The following LUZP2 variants were observed in gnomAD, a reference collection of about 807,000 sequenced individuals.
LUZP2 encodes leucine zipper protein 2.
Under a neutral mutation model 51.6 loss-of-function variants are expected in LUZP2, and 52 were observed. The observed-to-expected ratio is 1.01, with a 90% confidence interval of 0.81 to 1.27. The LOEUF is 1.27. LUZP2 is among the 50% of genes most tolerant of loss of function. The probability of loss-of-function intolerance (pLI) is 0.00; values close to 1 mark genes in which losing one functional copy is unlikely to be tolerated. For missense variants in LUZP2, 436 were observed against 395.4 expected (o/e 1.10, Z -0.87); for synonymous variants, 154 against 137.3 (o/e 1.12, Z -0.85).
chr11:24,617,091 T>G (rs1330368742), intron 1 of LUZP2, among the ~76,000 whole-genome samples: 4 of 152,186 alleles, frequency 2.6e-5, no homozygotes, highest in African/African-American at 7.2e-5. Flanking sequence ...AAAACAGAGG[T>G]AGTAGATGTT....
intron 5 of LUZP2, among the ~76,000 whole-genome samples, chr11:24,833,413 G>GA (rs11370308): frequency 0.34 from 52,232 of 151,862 alleles, 9,215 homozygotes; most frequent in African/African-American, 0.4. Flanking sequence ...ATTGTTTGTT[G>GA]GAAAAATATT....
intron 5 of LUZP2, among the ~76,000 whole-genome samples, chr11:24,777,755 G>A (rs932086632): frequency 8.6e-5 from 13 of 151,790 alleles, no homozygotes; most frequent in African/African-American, 3.1e-4. Flanking sequence ...TGATATTATA[G>A]TACATAATTC....
chr11:24,929,488 G>A (rs544344640), intron 7 of LUZP2, among the ~76,000 whole-genome samples: 1 of 152,108 alleles, frequency 6.6e-6, no homozygotes, highest in East Asian at 1.9e-4. Flanking sequence ...AGTGATCATT[G>A]AGGAGTAGGT....
At chr11:25,076,610 GGAAT>G (rs1386274914) in intron 10 of LUZP2, among the ~76,000 whole-genome samples, 11 of 49,842 alleles carry the variant, frequency 2.2e-4, no homozygotes, top group Admixed American at 9.4e-4. Context: ...AACTAAGGAA[GGAAT>G]GAAGGAAGGA....
intron 1 of LUZP2, among the ~76,000 whole-genome samples, chr11:24,721,540 G>T (rs576215290): frequency 6.6e-6 from 1 of 152,272 alleles, no homozygotes; most frequent in East Asian, 1.9e-4. Flanking sequence ...CATTCTTGCA[G>T]AAAGTATGAT....
At chr11:24,976,267 A>G (rs1312916390) in intron 7 of LUZP2, among the ~76,000 whole-genome samples, 3 of 151,912 alleles carry the variant, frequency 2.0e-5, no homozygotes, top group Non-Finnish European at 2.9e-5. Context: ...GTCTATATCA[A>G]CTAGAAATAT....
At chr11:24,859,793 A>G (rs565796494) in intron 5 of LUZP2, among the ~76,000 whole-genome samples, 1 of 152,336 alleles carries the variant, frequency 6.6e-6, no homozygotes, top group South Asian at 2.1e-4. Context: ...TGAGCCCACT[A>G]TCCAGCAGGG....
At chr11:24,920,693 T>G (rs1401675590) in intron 7 of LUZP2, among the ~76,000 whole-genome samples, 1 of 140,734 alleles carries the variant, frequency 7.1e-6, no homozygotes, top group African/African-American at 2.6e-5. Context: ...GACACAGAAA[T>G]AAAAAAAAAA....
intron 1 of LUZP2, among the ~76,000 whole-genome samples, chr11:24,546,957 TTGTTGTTGGTGG>T (rs878899968): frequency 0.27 from 21,466 of 79,598 alleles, 1,739 homozygotes; most frequent in African/African-American, 0.34. Flanking sequence ...GTTGTTGTTG[TTGTTGTTGGTGG>T]TGGTGGTGGT....
intron 10 of LUZP2, among the ~76,000 whole-genome samples, chr11:25,057,623 G>T (rs1231947256): frequency 2.0e-5 from 3 of 152,016 alleles, no homozygotes; most frequent in Non-Finnish European, 4.4e-5. Context: ...TTTCATTTAG[G>T]AATTAAGAGT....
intron 5 of LUZP2, among the ~76,000 whole-genome samples, chr11:24,885,038 G>A (rs1290616273): frequency 6.6e-6 from 1 of 152,048 alleles, no homozygotes; most frequent in Non-Finnish European, 1.5e-5. Context: ...CTGTTTCGAA[G>A]AGAAGTGCCT....
chr11:24,648,945 G>C (rs1256380963), intron 1 of LUZP2, among the ~76,000 whole-genome samples: 1 of 151,922 alleles, frequency 6.6e-6, no homozygotes, highest in Non-Finnish European at 1.5e-5. Context: ...AAGCCAGTAA[G>C]GAATTAATTT....
At chr11:24,783,279 A>G (rs995660353) in intron 5 of LUZP2, among the ~76,000 whole-genome samples, 1 of 151,878 alleles carries the variant, frequency 6.6e-6, no homozygotes, top group South Asian at 2.1e-4. Flanking sequence ...CTTCTTTTCT[A>G]GATAAGATTA....
At chr11:24,669,553 C>G (rs1300645390) in intron 1 of LUZP2, among the ~76,000 whole-genome samples, 1 of 149,908 alleles carries the variant, frequency 6.7e-6, no homozygotes, top group Non-Finnish European at 1.5e-5. Context: ...TTTTTTTCTT[C>G]TTTGTGTTCT....
At chr11:24,961,312 T>G (rs1048825665) in intron 7 of LUZP2, among the ~76,000 whole-genome samples, 15 of 152,122 alleles carry the variant, frequency 9.9e-5, no homozygotes, top group Non-Finnish European at 1.8e-4. Flanking sequence ...TGTTAACTTT[T>G]TGTCTTGTTG....
chr11:24,860,633 C>G (rs897324634), intron 5 of LUZP2, among the ~76,000 whole-genome samples: 9 of 152,114 alleles, frequency 5.9e-5, no homozygotes, highest in African/African-American at 2.2e-4. Context: ...AGTGACCTCT[C>G]TAGGCACTGG....
At chr11:24,950,713 G>GT (rs906651669) in intron 7 of LUZP2, among the ~76,000 whole-genome samples, 19 of 151,140 alleles carry the variant, frequency 1.3e-4, no homozygotes, top group East Asian at 3.9e-4. Context: ...AAAAGCACCA[G>GT]TTTTTTTTGC....
chr11:24,877,662 G>T (rs573364537), intron 5 of LUZP2, among the ~76,000 whole-genome samples: 43 of 152,080 alleles, frequency 2.8e-4, no homozygotes, highest in African/African-American at 9.9e-4. Context: ...TCACCCTGTT[G>T]TGCTATCAAA....
intron 7 of LUZP2, among the ~76,000 whole-genome samples, chr11:24,949,827 CTT>C (rs1202907054): frequency 1.3e-5 from 2 of 151,602 alleles, no homozygotes; most frequent in East Asian, 3.9e-4. Flanking sequence ...GATCAGAACT[CTT>C]TGAAATTAGT....
Sources: allele counts gnomAD v4.1 joint callset (sites outside exome capture counted in the v4.1 genomes callset), GRCh38; gene constraint gnomAD v4.1.1; transcripts MANE v1.5; gene names NCBI Gene and HGNC (gene_info 2026-07-23, HGNC 2026-07-21).